CHAT: variants seen among roughly 807,000 people sequenced by gnomAD.
CHAT encodes the protein choline O-acetyltransferase.
CHAT carries 61 observed loss-of-function variants against 76.9 expected under a neutral mutation model. That is an observed-to-expected ratio of 0.79 (90% CI 0.65 to 0.98). CHAT has a LOEUF of 0.98. Ranked by LOEUF, CHAT falls within the 50% of genes least tolerant of loss-of-function variation. CHAT has a pLI of 0.00. For missense variants in CHAT, 946 were observed against 986.9 expected (o/e 0.96, Z 0.56); for synonymous variants, 407 against 397.4 (o/e 1.02, Z -0.29).
chr10:49,610,454 G>T (rs2377879), upstream of CHAT: 24,632 of 364,716 alleles, frequency 0.068, 1,869 homozygotes, highest in Admixed American at 0.25. Flanking sequence ...GGCGAAGTGC[G>T]CCCAGTCTCC....
chr10:49,630,855 T>C (rs1839094596), intron 7 of CHAT, among the ~76,000 whole-genome samples: 2 of 152,172 alleles, frequency 1.3e-5, no homozygotes, highest in Non-Finnish European at 2.9e-5. Context: ...TGGTACCTCC[T>C]GGTCTCAGAT....
At chr10:49,625,383 T>G in intron 5 of CHAT, 90 bp from the exon 6 acceptor site, 1 of 1,263,090 alleles carries the variant, frequency 7.9e-7, no homozygotes, top group South Asian at 1.3e-5. Context: ...CCATTTTGCC[T>G]GATCAAGTTA....
intron 2 of CHAT, among the ~76,000 whole-genome samples, chr10:49,617,141 C>T (rs1838527475): frequency 6.6e-6 from 1 of 152,162 alleles, no homozygotes; most frequent in South Asian, 2.1e-4. Context: ...TGTGTTTCCC[C>T]TCTCCCACAC....
At chr10:49,629,996 G>A (rs763591538) in intron 7 of CHAT, among the ~76,000 whole-genome samples, 2 of 152,182 alleles carry the variant, frequency 1.3e-5, no homozygotes, top group African/African-American at 4.8e-5. Context: ...TATCCGAGCC[G>A]TGAGTGGATG....
chr10:49,645,034 T>C (rs1312240699), intron 7 of CHAT, among the ~76,000 whole-genome samples: 1 of 152,120 alleles, frequency 6.6e-6, no homozygotes, highest in East Asian at 1.9e-4. Flanking sequence ...TTGAGGAGGT[T>C]CCCCGGAAGC....
intron 7 of CHAT, among the ~76,000 whole-genome samples, chr10:49,645,327 G>A (rs112413632): frequency 6.6e-6 from 1 of 152,274 alleles, no homozygotes; most frequent in African/African-American, 2.4e-5. Context: ...CAGCCCCCAA[G>A]GTCAGGCTCT....
At chr10:49,629,014 G>A (rs369461662) in intron 7 of CHAT, among the ~76,000 whole-genome samples, 12 of 152,366 alleles carry the variant, frequency 7.9e-5, no homozygotes, top group African/African-American at 2.4e-4. Context: ...CCAGGTGTCC[G>A]GCCTCAGGCC....
chr10:49,626,218 T>C (rs942784942), intron 6 of CHAT, among the ~76,000 whole-genome samples: 1 of 152,130 alleles, frequency 6.6e-6, no homozygotes, highest in Non-Finnish European at 1.5e-5. Context: ...CTCTACCCCC[T>C]GCAGCTCAGG....
rs1259992254 is a variant in CHAT at position 49,664,821 on chromosome 10, C to T, written c.2022C>T (p.Val674=). Residue 674 remains valine, a synonymous_variant, in exon 15 of 15, where the codon GTC becomes GTT. Transcript: ENST00000337653. The part of the protein sequence containing the change: ...TEMFCCYGPV[V]PNGYGACYNP... ...TGTTCTGCTGCTATGGTCCTGTGGT[C>T]CCAAATGGGTATGGTGCCTGCTACA... 1 of 1,614,178 alleles carries T rather than the reference C, an allele frequency of 6.2e-7. No homozygotes were observed. The highest frequency in any genetic ancestry group is 2.2e-5 in the East Asian group (1 of 44,870).
At chr10:49,663,553 C>G (rs1298872239) in intron 14 of CHAT, among the ~76,000 whole-genome samples, 1 of 152,184 alleles carries the variant, frequency 6.6e-6, no homozygotes, top group African/African-American at 2.4e-5. Flanking sequence ...TCGTGGCCAG[C>G]CCAACATCTA....
intron 7 of CHAT, among the ~76,000 whole-genome samples, chr10:49,638,241 T>A (rs1839359199): frequency 6.6e-6 from 1 of 152,276 alleles, no homozygotes; most frequent in Admixed American, 6.5e-5. Context: ...TTACCTGACA[T>A]TAAGATAGCC....
In CHAT at chr10:49,666,404, A is replaced by G. The variant is rs1840340863; in HGVS notation, c.*1358A>G. On this transcript the variant is annotated 3_prime_UTR_variant, in exon 15 of 15. Coordinates refer to ENST00000337653, the MANE Select transcript of CHAT (RefSeq NM_020549.5). ...TCCTATTAGAGCACATTTTTATGGG[A>G]AGTCTAAAGGGCAGAGGGAGGGAGT... Among the ~76,000 whole-genome samples, 1 of 152,218 alleles carries G rather than the reference A, an allele frequency of 6.6e-6. No homozygotes were observed. Among genetic ancestry groups the G allele is most frequent in the Non-Finnish European group, 1.5e-5 (1 of 68,034 alleles).
chr10:49,626,737 G>A (rs1248198338), intron 6 of CHAT, among the ~76,000 whole-genome samples: 6 of 152,234 alleles, frequency 3.9e-5, no homozygotes, highest in African/African-American at 1.2e-4. Context: ...GGGGTTGGAG[G>A]GGAAGGGAAA....
intron 6 of CHAT, among the ~76,000 whole-genome samples, chr10:49,626,227 G>A (rs1370924078): frequency 6.6e-6 from 1 of 152,150 alleles, no homozygotes; most frequent in Non-Finnish European, 1.5e-5. Context: ...CTGCAGCTCA[G>A]GTCCTCAGAC....
At chr10:49,613,897 G>A (rs1257477279), upstream of CHAT, 3 of 546,474 alleles carry the variant, frequency 5.5e-6, no homozygotes, top group South Asian at 4.1e-5. Context: ...GAAAGATGGT[G>A]TAGCAGGGTT....
At chr10:49,650,351 T>C (rs562028798) in intron 10 of CHAT, among the ~76,000 whole-genome samples, 1 of 152,232 alleles carries the variant, frequency 6.6e-6, no homozygotes, top group Non-Finnish European at 1.5e-5. Flanking sequence ...AAACATGTGA[T>C]ACAGTAAGAT....
intron 14 of CHAT, among the ~76,000 whole-genome samples, chr10:49,663,352 C>T (rs1456720647): frequency 6.6e-6 from 1 of 152,210 alleles, no homozygotes; most frequent in Non-Finnish European, 1.5e-5. Context: ...AACCATTACA[C>T]CTTACTACCT....
rs758531527 is a variant in CHAT at position 49,614,170 on chromosome 10, G to T, written c.-20G>T. On this transcript the variant is annotated 5_prime_UTR_variant, in exon 1 of 15. Transcript: ENST00000337653. ...TGGGGGCCGGGAGCTGAGATCCCTGGGCGGGGAGCTGGGGAAGGGATGGGG... is the reference window on the plus strand; with the variant it reads ...TGGGGGCCGGGAGCTGAGATCCCTGTGCGGGGAGCTGGGGAAGGGATGGGG... 1 of 1,545,742 alleles carries T rather than the reference G, an allele frequency of 6.5e-7. No homozygotes were observed. Among genetic ancestry groups the T allele is most frequent in the Non-Finnish European group, 8.7e-7 (1 of 1,145,944 alleles).
chr10:49,631,608 C>T (rs964533646), intron 7 of CHAT, among the ~76,000 whole-genome samples: 21 of 152,110 alleles, frequency 1.4e-4, no homozygotes, highest in Non-Finnish European at 2.9e-5. Context: ...GGGGTTTGGC[C>T]GTCTCAGTGA....
Sources: allele counts gnomAD v4.1 joint callset (sites outside exome capture counted in the v4.1 genomes callset), GRCh38; gene constraint gnomAD v4.1.1; transcripts MANE v1.5; gene names NCBI Gene and HGNC (gene_info 2026-07-23, HGNC 2026-07-21).